The following ATXN8OS variants were observed in gnomAD, a reference collection of about 807,000 sequenced individuals.
The protein encoded by ATXN8OS is ATXN8 opposite strand (non-protein coding).
rs534628064 is a variant in ATXN8OS at position 70,166,490 on chromosome 13, C to T, written n.574-3263C>T. 4.6e-5 allele frequency among the ~76,000 whole-genome samples: 7 copies of T among 152,106 alleles called. No individual in the cohort carries two copies. The South Asian group carries it at 1.5e-3, about 32-fold the overall frequency. ...TAGAAAGCTGAAACTGGATCCCTTCCTTACACCTTATAAAAAAATTAATTC... is the reference window on the plus strand; with the variant it reads ...TAGAAAGCTGAAACTGGATCCCTTCTTTACACCTTATAAAAAAATTAATTC... On this transcript the variant is annotated intron_variant and non_coding_transcript_variant, in intron 4 of 4. Transcript: ENST00000678624.
At chr13:70,165,736 A>G (rs1889069102) in intron 4 of ATXN8OS, among the ~76,000 whole-genome samples, 1 of 152,060 alleles carries the variant, frequency 6.6e-6, no homozygotes, top group African/African-American at 2.4e-5. Flanking sequence ...GAAAATTTAC[A>G]TAAATTTTTT....
At chr13:70,130,816 T>C in intron 3 of ATXN8OS, 1 of 398,472 alleles carries the variant, frequency 2.5e-6, no homozygotes. Flanking sequence ...GGGACCCCAA[T>C]GACCAGGGAG....
chr13:70,119,258 T>A (rs1386360361), intron 2 of ATXN8OS, among the ~76,000 whole-genome samples: 2 of 152,116 alleles, frequency 1.3e-5, no homozygotes, highest in Non-Finnish European at 2.9e-5. Flanking sequence ...GAGGCCTAGT[T>A]AGCAATCACA....
Position 70,144,957 on chromosome 13 carries a change from T to C in ATXN8OS, n.500-2398T>C, listed in dbSNP as rs575099056. 2.6e-5 allele frequency among the ~76,000 whole-genome samples: 4 copies of C among 152,280 alleles called. No individual in the cohort carries two copies. The East Asian group carries it at 7.7e-4, about 29-fold the overall frequency. ...TCCAATTTCTTTCTATGTCAAGGTG[T>C]CACACCTTGCCTAAAAAGTGTTGTA... On this transcript the variant is annotated intron_variant and non_coding_transcript_variant, in intron 3 of 4. Transcript: ENST00000678624.
intron 2 of ATXN8OS, among the ~76,000 whole-genome samples, chr13:70,126,846 A>G (rs1420440196): frequency 6.6e-6 from 1 of 151,780 alleles, no homozygotes; most frequent in Non-Finnish European, 1.5e-5. Flanking sequence ...ATCCGTATCT[A>G]TATATCAACA....
intron 2 of ATXN8OS, among the ~76,000 whole-genome samples, chr13:70,121,394 T>C (rs113737479): frequency 1.3e-5 from 2 of 152,186 alleles, no homozygotes; most frequent in African/African-American, 4.8e-5. Context: ...TTTAATTCTA[T>C]CTCCAATAGA....
intron 4 of ATXN8OS, among the ~76,000 whole-genome samples, chr13:70,150,564 C>G (rs552945813): frequency 6.6e-6 from 1 of 152,164 alleles, no homozygotes; most frequent in East Asian, 1.9e-4. Context: ...GGTATATATA[C>G]TCTAGGAGAA....
chr13:70,112,905 G>A (rs1593754619), intron 1 of ATXN8OS, among the ~76,000 whole-genome samples: 1 of 89,390 alleles, frequency 1.1e-5, no homozygotes, highest in East Asian at 4.7e-4. Context: ...ACTGCTGAGG[G>A]ACTTTATATA....
At chr13:70,149,472 G>A (rs902796068) in intron 4 of ATXN8OS, among the ~76,000 whole-genome samples, 3 of 152,056 alleles carry the variant, frequency 2.0e-5, no homozygotes, top group Non-Finnish European at 4.4e-5. Context: ...TTAATTCATT[G>A]TAAACATAAT....
intron 2 of ATXN8OS, among the ~76,000 whole-genome samples, chr13:70,126,182 C>CT (rs1888432135): frequency 6.6e-6 from 1 of 152,122 alleles, no homozygotes; most frequent in Admixed American, 6.6e-5. Context: ...AGCTCATCAT[C>CT]TTTTTACTTT....
chr13:70,170,634 G>A (rs920266279), exon 5 of ATXN8OS, among the ~76,000 whole-genome samples: 1 of 152,012 alleles, frequency 6.6e-6, no homozygotes, highest in African/African-American at 2.4e-5. Flanking sequence ...GAAAGCTGCA[G>A]GTTTTTATGA....
At chr13:70,143,985 T>C (rs889775905) in intron 3 of ATXN8OS, among the ~76,000 whole-genome samples, 1 of 152,124 alleles carries the variant, frequency 6.6e-6, no homozygotes, top group African/African-American at 2.4e-5. Flanking sequence ...AAAGATTAGA[T>C]CATTTGATTC....
chr13:70,142,129 C>T (rs1174454762), intron 3 of ATXN8OS, among the ~76,000 whole-genome samples: 1 of 152,162 alleles, frequency 6.6e-6, no homozygotes, highest in Non-Finnish European at 1.5e-5. Flanking sequence ...GGTGATCCAC[C>T]TGCCTCGGCC....
chr13:70,109,114 G>T (rs1414170602), intron 1 of ATXN8OS, among the ~76,000 whole-genome samples: 1 of 152,234 alleles, frequency 6.6e-6, no homozygotes, highest in Non-Finnish European at 1.5e-5. Flanking sequence ...ATAAATCATT[G>T]TATACTATGC....
chr13:70,129,356 T>C (rs190908942), intron 2 of ATXN8OS, among the ~76,000 whole-genome samples: 1 of 147,282 alleles, frequency 6.8e-6, no homozygotes, highest in East Asian at 2.0e-4. Flanking sequence ...TTAAAAATAA[T>C]ATTAGTGCTT....
chr13:70,122,436 T>C (rs1241466273), intron 2 of ATXN8OS, among the ~76,000 whole-genome samples: 1 of 152,030 alleles, frequency 6.6e-6, no homozygotes, highest in African/African-American at 2.4e-5. Flanking sequence ...TAAATACTTA[T>C]AAATCCTTGA....
intron 4 of ATXN8OS, among the ~76,000 whole-genome samples, chr13:70,152,850 C>T (rs146274161): frequency 6.6e-6 from 1 of 151,792 alleles, no homozygotes; most frequent in African/African-American, 2.4e-5. Flanking sequence ...CATAGTAGTC[C>T]GTTTTATATG....
chr13:70,143,882 T>G (rs1888748070), intron 3 of ATXN8OS, among the ~76,000 whole-genome samples: 1 of 152,112 alleles, frequency 6.6e-6, no homozygotes, highest in East Asian at 1.9e-4. Context: ...ATAGCTATAT[T>G]TTAAAATGAT....
chr13:70,133,996 C>G (rs1395305749), intron 3 of ATXN8OS, among the ~76,000 whole-genome samples: 4 of 152,094 alleles, frequency 2.6e-5, no homozygotes, highest in Non-Finnish European at 4.4e-5. Context: ...AATTCCTTTG[C>G]CATTCTCAGT....
Sources: allele counts gnomAD v4.1 joint callset (sites outside exome capture counted in the v4.1 genomes callset), GRCh38; gene constraint gnomAD v4.1.1; transcripts MANE v1.5; gene names NCBI Gene and HGNC (gene_info 2026-07-23, HGNC 2026-07-21).